Variants in SLC9C1 observed in about 807,000 individuals in gnomAD.
SLC9C1 encodes the protein solute carrier family 9 member C1, also known as sodium/hydrogen exchanger 10.
A neutral mutation model predicts 140.9 loss-of-function variants in SLC9C1; 97 were observed. The observed-to-expected ratio is 0.69, with a 90% CI of 0.58 to 0.82. The LOEUF is 0.82. SLC9C1 is among the 40% of genes least tolerant of loss of function. The probability of loss-of-function intolerance (pLI) is 0.00; values close to 1 mark genes in which losing one functional copy is unlikely to be tolerated. For missense variants in SLC9C1, 1,340 were observed against 1,389.3 expected (o/e 0.96, Z 0.56); for synonymous variants, 440 against 442.6 (o/e 0.99, Z 0.07).
intron 20 of SLC9C1, among the ~76,000 whole-genome samples, chr3:112,186,708 A>G (rs1228256320): frequency 6.6e-6 from 1 of 152,228 alleles, no homozygotes; most frequent in Non-Finnish European, 1.5e-5. Flanking sequence ...TGAAAACTTA[A>G]CAAGTTTCAG....
At chr3:112,287,919 T>TGTA (rs1301699660) in intron 1 of SLC9C1, among the ~76,000 whole-genome samples, 1 of 151,802 alleles carries the variant, frequency 6.6e-6, no homozygotes, top group Non-Finnish European at 1.5e-5. Flanking sequence ...GGCGGGCGCC[T>TGTA]GTAGTCCTAG....
chr3:112,177,457 A>G (rs1226341744), intron 23 of SLC9C1, among the ~76,000 whole-genome samples: 1 of 151,558 alleles, frequency 6.6e-6, no homozygotes, highest in African/African-American at 2.4e-5. Flanking sequence ...ACTTTGTCTT[A>G]CTTCCTGCTC....
intron 12 of SLC9C1, among the ~76,000 whole-genome samples, chr3:112,238,607 G>A (rs926173576): frequency 2.6e-5 from 4 of 152,166 alleles, no homozygotes; most frequent in African/African-American, 4.8e-5. Context: ...TTTGGTCTTT[G>A]ATGATGGTGA....
chr3:112,144,467 T>C (rs900025315), intron 28 of SLC9C1, among the ~76,000 whole-genome samples: 6 of 152,142 alleles, frequency 3.9e-5, no homozygotes, highest in Non-Finnish European at 8.8e-5. Flanking sequence ...GGCCATTTTT[T>C]TTCTAATTCT....
At chr3:112,275,166 A>T (rs1352647705) in intron 5 of SLC9C1, 141 bp from the exon 6 acceptor site, 1 of 841,306 alleles carries the variant, frequency 1.2e-6, no homozygotes, top group African/African-American at 1.8e-5. Context: ...GACAATCATA[A>T]TTGGCACTAA....
intron 13 of SLC9C1, among the ~76,000 whole-genome samples, chr3:112,224,780 C>A (rs1245572739): frequency 1.3e-5 from 2 of 149,408 alleles, no homozygotes; most frequent in Non-Finnish European, 3.0e-5. Context: ...GAGAAAGATA[C>A]ATAGATAAGA....
chr3:112,221,017 T>G (rs2108123708), intron 14 of SLC9C1, 111 bp downstream of exon 14: 2 of 759,364 alleles, frequency 2.6e-6, no homozygotes, highest in Middle Eastern at 4.8e-4. Context: ...ATAGTATTAA[T>G]ATTAATAGTA....
chr3:112,263,204 A>C, intron 9 of SLC9C1, 106 bp from the exon 10 acceptor site: 1 of 892,528 alleles, frequency 1.1e-6, no homozygotes, highest in Non-Finnish European at 1.6e-6. Flanking sequence ...TAACTCTCAA[A>C]CAAATGAGAC....
intron 7 of SLC9C1, among the ~76,000 whole-genome samples, chr3:112,266,802 T>C (rs1283708133): frequency 6.6e-6 from 1 of 152,228 alleles, no homozygotes; most frequent in Non-Finnish European, 1.5e-5. Flanking sequence ...CATTCATACT[T>C]CGACTATTTC....
intron 23 of SLC9C1, among the ~76,000 whole-genome samples, chr3:112,176,251 C>A (rs1390720243): frequency 1.3e-5 from 2 of 152,202 alleles, no homozygotes; most frequent in Non-Finnish European, 2.9e-5. Flanking sequence ...GGGAGGTTCC[C>A]CTGACTCTGT....
At chr3:112,240,520 A>G (rs2079112703) in intron 11 of SLC9C1, among the ~76,000 whole-genome samples, 1 of 152,176 alleles carries the variant, frequency 6.6e-6, no homozygotes, top group Non-Finnish European at 1.5e-5. Context: ...GCCTCATCCA[A>G]TCTGTTGGAG....
chr3:112,263,230 T>C lies in SLC9C1; in HGVS notation c.1023-132A>G, dbSNP rs2079826992. 7.8e-6 allele frequency: 5 copies of C among 639,092 alleles called. No individual in the cohort carries two copies. In the East Asian group the frequency reaches 1.6e-4, roughly 21 times the overall value. 39.6% of individuals were successfully genotyped at this position (639,092 alleles called of 1,614,324 possible). Reference sequence around the variant, plus strand: ...CAAATGAGACATCTTTCACACACTGTTGACATGACACCAAAGAAAGGCAGC... The same window carrying C: ...CAAATGAGACATCTTTCACACACTGCTGACATGACACCAAAGAAAGGCAGC... On this transcript the variant is annotated intron_variant, in intron 9 of 28. Transcript: ENST00000305815.
intron 26 of SLC9C1, among the ~76,000 whole-genome samples, chr3:112,156,346 A>G (rs2075127374): frequency 1.3e-5 from 2 of 152,142 alleles, no homozygotes; most frequent in Admixed American, 6.6e-5. Flanking sequence ...TGTTTTTTTA[A>G]TGGCTAGATA....
chr3:112,211,390 G>GA (rs1171382188), intron 15 of SLC9C1, among the ~76,000 whole-genome samples: 2 of 62,720 alleles, frequency 3.2e-5, no homozygotes, highest in Non-Finnish European at 7.0e-5. Context: ...CACCGAGCAT[G>GA]ACCGAAGCAG....
In SLC9C1 at chr3:112,287,869, C is replaced by T. The variant is rs1028490156; in HGVS notation, c.-87-991G>A. ...GAGACCATCCTGGTATGGTGAAACCCGGTCTCTACTAAAAATACAAAAAAT... is the reference window on the plus strand; with the variant it reads ...GAGACCATCCTGGTATGGTGAAACCTGGTCTCTACTAAAAATACAAAAAAT... On this transcript the variant is annotated intron_variant, in intron 1 of 28. Coordinates refer to ENST00000305815, the MANE Select transcript of SLC9C1 (RefSeq NM_183061.3). 2.2e-4 allele frequency among the ~76,000 whole-genome samples: 34 copies of T among 152,000 alleles called. No homozygotes were observed. In the East Asian group the frequency reaches 4.8e-3, roughly 22 times the overall value.
In SLC9C1 at chr3:112,206,302, A is replaced by C. The variant is rs572033849; in HGVS notation, c.1986+1876T>G. On this transcript the variant is annotated intron_variant, in intron 16 of 28. Transcript: ENST00000305815. ...TGCAAATCAAAACCACAGTGAGATA[A>C]CATCTCACACCAGTTAGAATGGCCA... Among the ~76,000 whole-genome samples, 44 of 152,106 alleles carry C rather than the reference A, an allele frequency of 2.9e-4. No individual in the cohort carries two copies. In the East Asian group the frequency reaches 5.6e-3, roughly 19 times the overall value.
intron 7 of SLC9C1, among the ~76,000 whole-genome samples, chr3:112,267,604 G>A (rs1441985366): frequency 8.5e-4 from 118 of 138,150 alleles, no homozygotes; most frequent in East Asian, 1.8e-3. Context: ...AAAAGAGAGA[G>A]AGAGAGAAGG....
In SLC9C1 at chr3:112,274,933, C is replaced by T; in HGVS notation, c.577G>A (p.Asp193Asn). 1 of 1,565,104 alleles carries T rather than the reference C, an allele frequency of 6.4e-7. No individual in the cohort carries two copies. Among genetic ancestry groups the T allele is most frequent in the Non-Finnish European group, 8.6e-7 (1 of 1,164,770 alleles). Reference protein sequence around the residue: ...LITFTSIMDFDQRLQSKRNHT... With the variant: ...LITFTSIMDFNQRLQSKRNHT... ...TTTCTTTTACTTTGTAGTCTTTGGTCAAAATCCATAATACTAGTAAATGTA... is the reference window on the plus strand; with the variant it reads ...TTTCTTTTACTTTGTAGTCTTTGGTTAAAATCCATAATACTAGTAAATGTA... The change falls in exon 6 of 29, where the codon GAC becomes AAC. Residue 193 changes from aspartate (D) to asparagine (N), a missense_variant. By Grantham distance (23) the Asp-to-Asn change is conservative. Coordinates refer to ENST00000305815, the MANE Select transcript of SLC9C1 (RefSeq NM_183061.3).
At chr3:112,212,547 T>A (rs2078238533) in intron 15 of SLC9C1, among the ~76,000 whole-genome samples, 1 of 152,140 alleles carries the variant, frequency 6.6e-6, no homozygotes, top group Non-Finnish European at 1.5e-5. Flanking sequence ...GCACAAGAAC[T>A]ACATGATGAA....
Sources: allele counts gnomAD v4.1 joint callset (sites outside exome capture counted in the v4.1 genomes callset), GRCh38; gene constraint gnomAD v4.1.1; transcripts MANE v1.5; gene names NCBI Gene and HGNC (gene_info 2026-07-23, HGNC 2026-07-21).